Variants in EFCAB5 observed in about 807,000 individuals in gnomAD.
EFCAB5 encodes EF-hand calcium-binding domain-containing protein 5.
EFCAB5 carries 131 observed loss-of-function variants against 167.9 expected under a neutral mutation model. The observed-to-expected ratio is 0.78, with a 90% CI of 0.68 to 0.90. The LOEUF (loss-of-function observed/expected upper bound fraction) is 0.90. EFCAB5 is among the 40% of genes least tolerant of loss of function. The pLI is 0.00. For synonymous variants in EFCAB5, 574 were observed against 602.8 expected, an observed-to-expected ratio of 0.95 and a Z score of 0.70; for missense variants, 1,663 against 1,745.2, an observed-to-expected ratio of 0.95 and a Z score of 0.84.
chr17:30,088,563 A>G (rs1597558635), intron 19 of EFCAB5, among the ~76,000 whole-genome samples: 1 of 152,342 alleles, frequency 6.6e-6, no homozygotes, highest in East Asian at 1.9e-4. Context: ...AGAGTTGGAG[A>G]GAAGGCAAAG....
intron 3 of EFCAB5, among the ~76,000 whole-genome samples, chr17:29,947,911 C>T (rs1342993974): frequency 2.0e-5 from 3 of 152,106 alleles, no homozygotes; most frequent in Non-Finnish European, 2.9e-5. Flanking sequence ...CTGCAACCTC[C>T]GCCTCCCGAG....
intron 15 of EFCAB5, among the ~76,000 whole-genome samples, chr17:30,079,634 C>G (rs1567764209): frequency 6.6e-6 from 1 of 152,084 alleles, no homozygotes; most frequent in Non-Finnish European, 1.5e-5. Flanking sequence ...TCCTCGAGAG[C>G]ATTTTTTTTC....
chr17:29,931,260 A>T (rs1159690266), intron 1 of EFCAB5, among the ~76,000 whole-genome samples: 5 of 152,192 alleles, frequency 3.3e-5, no homozygotes, highest in African/African-American at 1.2e-4. Flanking sequence ...GGGAGTTTGC[A>T]GTTATTAAAA....
At chr17:30,069,571 G>C (rs2070674747) in intron 14 of EFCAB5, 2 of 1,613,184 alleles carry the variant, frequency 1.2e-6, no homozygotes, top group East Asian at 2.2e-5. Context: ...TCCGCGTATG[G>C]ATCCTCTTCT....
chr17:29,976,546 G>A (rs995173453), intron 4 of EFCAB5, among the ~76,000 whole-genome samples: 3 of 152,012 alleles, frequency 2.0e-5, no homozygotes, highest in Non-Finnish European at 2.9e-5. Context: ...AATCCCTATC[G>A]ACTTAAAGCT....
rs965586074 is a variant in EFCAB5, at chr17:30,083,126, A to G, written c.3579+83A>G. ...TTTCTTGCTAATATTTGAAAACCAT[A>G]TTAATTAGCTATTAGTCTAAAGGAA... On this transcript the variant is annotated intron_variant, in intron 18 of 22. Transcript: ENST00000394835. 44 of 1,460,980 alleles carry G rather than the reference A, an allele frequency of 3.0e-5. 1 individual carries two copies. The South Asian group carries it at 4.6e-4, about 15-fold the overall frequency. The allele number at this position is 1,460,980 out of a possible 1,614,324, so 90.5% of individuals were successfully genotyped here.
In EFCAB5 at chr17:30,034,291, T is replaced by C. The variant is rs902422135; in HGVS notation, c.1106T>C (p.Leu369Pro). 1 of 1,613,912 alleles carries C rather than the reference T, an allele frequency of 6.2e-7. No homozygotes were observed. Among genetic ancestry groups the C allele is most frequent in the African/African-American group, 1.3e-5 (1 of 74,938 alleles). The change falls in exon 8 of 23, where the codon CTT (leucine) becomes CCT (proline). Residue 369 changes from leucine to proline, a missense_variant. Transcript: ENST00000394835. Reference sequence around the variant, plus strand: ...ATGTTTGAGGAACTTCTTAAGCACCTTTGCCACTCTGCAGATGAATTTCGG... The same window carrying C: ...ATGTTTGAGGAACTTCTTAAGCACCCTTGCCACTCTGCAGATGAATTTCGG... ...SEMFEELLKH[L>P]CHSADEFREV...
rs534225386 is a variant in EFCAB5, at chr17:30,031,316, C to T, written c.1045-2914C>T. On this transcript the variant is annotated intron_variant, in intron 7 of 22. Coordinates refer to ENST00000394835, the MANE Select transcript of EFCAB5 (RefSeq NM_198529.4). Reference sequence around the variant, plus strand: ...CTGATTCAGTAAATATGGGGTGGGGCCTAAAAATTTGCAGTTCTGACAAGT... The same window carrying T: ...CTGATTCAGTAAATATGGGGTGGGGTCTAAAAATTTGCAGTTCTGACAAGT... Among the ~76,000 whole-genome samples, 9 of 152,184 alleles carry T rather than the reference C, an allele frequency of 5.9e-5. No individual in the cohort carries two copies. The East Asian group carries it at 1.4e-3, about 23-fold the overall frequency.
rs2067304684 is a variant in EFCAB5, at chr17:29,941,987, G to A, written c.42+149G>A. On this transcript the variant is annotated intron_variant, in intron 1 of 22. Transcript: ENST00000394835. ...TGCATCAGGTTTTGACAGAAATGCT[G>A]TAAAAGGGGTCAAAATAACAGTTGA... is the stretch of plus-strand genomic sequence containing the variant. The A allele has an allele frequency of 2.5e-5, 24 of 962,316 alleles. 1 individual carries two copies. In the Admixed American group the frequency reaches 5.4e-4, roughly 22 times the overall value. The allele number at this position is 962,316 out of a possible 1,614,324, so 59.6% of individuals were successfully genotyped here. A position where few individuals can be genotyped will look rare whatever the true frequency, so the allele number is the denominator to read the frequency against.
intron 22 of EFCAB5, among the ~76,000 whole-genome samples, chr17:30,105,024 A>G (rs1185150253): frequency 3.9e-5 from 6 of 152,110 alleles, no homozygotes; most frequent in Non-Finnish European, 8.8e-5. Context: ...CTTCATGGGC[A>G]TTAGGGAAGG....
chr17:30,080,939 C>A lies in EFCAB5; in HGVS notation c.3384C>A (p.His1128Gln), dbSNP rs143114099. The A allele has an allele frequency of 5.8e-4, 937 of 1,613,248 alleles. 2 individuals carry two copies. Among genetic ancestry groups the A allele is most frequent in the Non-Finnish European group, 5.7e-4 (673 of 1,179,834 alleles). Residue 1128 changes from histidine to glutamine, a missense_variant, in exon 17 of 23, where the codon CAC becomes CAA. His to Gln is a conservative substitution (Grantham distance 24, BLOSUM62 0). Coordinates refer to ENST00000394835, the MANE Select transcript of EFCAB5 (RefSeq NM_198529.4). ...CTGTTGATACCCTTAGAGATCCCCA[C>A]GAAATAAACATCTTTCTACCTCATG... ...VLAVDTLRDP[H>Q]EINIFLPHEI...
chr17:30,079,014 G>A (rs1567763866), intron 15 of EFCAB5, among the ~76,000 whole-genome samples: 1 of 152,158 alleles, frequency 6.6e-6, no homozygotes, highest in African/African-American at 2.4e-5. Flanking sequence ...TGGCCCTGAG[G>A]GGCTACTGCC....
Position 30,091,950 on chromosome 17 carries a change from C to G in EFCAB5, c.4017C>G (p.Ile1339Met). The G allele has an allele frequency of 6.2e-7, 1 of 1,614,018 alleles. No homozygotes were observed. Among genetic ancestry groups the G allele is most frequent in the South Asian group, 1.1e-5 (1 of 91,092 alleles). The change falls in exon 21 of 23, where the codon ATC becomes ATG. Residue 1339 changes from isoleucine (I) to methionine (M), a missense_variant. Ile to Met is a conservative substitution (Grantham distance 10, BLOSUM62 1). Transcript: ENST00000394835. ...RIMLLELQES[I>M]QLLNSMEFVS... ...TGCTGCTCGAGCTACAGGAAAGCAT[C>G]CAACTACTCAATTCCATGGAATTTG...
intron 9 of EFCAB5, 42 bp downstream of exon 9, chr17:30,051,259 G>T (rs776027567): frequency 1.3e-6 from 2 of 1,532,508 alleles, no homozygotes; most frequent in South Asian, 1.1e-5. Context: ...CTGGAGTGTC[G>T]CAGTGCACTG....
At chr17:30,100,610 T>C (rs899059642) in intron 22 of EFCAB5, among the ~76,000 whole-genome samples, 1 of 151,980 alleles carries the variant, frequency 6.6e-6, no homozygotes, top group African/African-American at 2.4e-5. Context: ...CTACTAAAAA[T>C]ACAAAAATTA....
chr17:29,943,383 G>T (rs1442384599), intron 2 of EFCAB5, among the ~76,000 whole-genome samples, 182 bp from the exon 3 acceptor site: 1 of 152,138 alleles, frequency 6.6e-6, no homozygotes, highest in Non-Finnish European at 1.5e-5. Context: ...TGTAAATGCA[G>T]AAAATACACT....
intron 5 of EFCAB5, among the ~76,000 whole-genome samples, chr17:29,994,191 C>T (rs2068496419): frequency 8.0e-6 from 1 of 124,702 alleles, no homozygotes; most frequent in African/African-American, 2.9e-5. Flanking sequence ...ATATATATAT[C>T]ACACGTGCAC....
chr17:30,073,137 C>G (rs2070785914), intron 14 of EFCAB5: 1 of 698,776 alleles, frequency 1.4e-6, no homozygotes, highest in Non-Finnish European at 2.6e-6. Flanking sequence ...CTCACTGCAG[C>G]CTCCAACTCC....
At chr17:29,973,886 G>A (rs1480641023) in intron 4 of EFCAB5, among the ~76,000 whole-genome samples, 1 of 151,718 alleles carries the variant, frequency 6.6e-6, no homozygotes, top group Non-Finnish European at 1.5e-5. Context: ...GGCCCAGCGC[G>A]GTGGCTCAAG....
Sources: gnomAD v4.1 joint callset for allele counts (sites outside exome capture counted in the v4.1 genomes callset) on GRCh38, gnomAD v4.1.1 for gene constraint, MANE v1.5 for transcripts, NCBI Gene and HGNC (gene_info 2026-07-23, HGNC 2026-07-21) for gene names.